The following ZNF469 variants were observed in gnomAD, a reference collection of about 807,000 sequenced individuals.
ZNF469 encodes the protein zinc finger protein 469.
In ZNF469, 1 loss-of-function variant was observed where a neutral mutation model predicts 1.0. That is an observed-to-expected ratio of 1.00 (90% confidence interval 0.35 to 4.73). ZNF469 has a LOEUF of 4.73. Among genes scored for constraint, ZNF469 ranks in the 30% most tolerant of loss-of-function variants. The pLI is 0.16. For synonymous variants in ZNF469, 2,703 were observed against 2,363.4 expected (o/e 1.14, Z -4.17); for missense variants, 6,100 against 5,356.3 (o/e 1.14, Z -4.33).
the ZNF469 span, among the ~76,000 whole-genome samples, chr16:88,333,063 T>G: frequency 6.6e-6 from 1 of 152,164 alleles, no homozygotes; most frequent in African/African-American, 2.4e-5. Flanking sequence ...CATTGGTGAT[T>G]TGGCGGTAAA....
At chr16:88,218,338 A>G in the ZNF469 span, among the ~76,000 whole-genome samples, 7 of 149,946 alleles carry the variant, frequency 4.7e-5, no homozygotes, top group Admixed American at 1.3e-4. Context: ...GATTCTGGAT[A>G]TTAGCCCTTT....
At chr16:88,229,667 T>TAA in the ZNF469 span, among the ~76,000 whole-genome samples, 27 of 144,354 alleles carry the variant, frequency 1.9e-4, no homozygotes, top group South Asian at 4.6e-3. Flanking sequence ...CGTGTGGATG[T>TAA]CGCGTGTGTG....
At position 88,435,599 on chromosome 16, in the gene ZNF469, A is replaced by T. The variant is rs1441429540; in HGVS notation, c.8129A>T (p.Asp2710Val). ...GTGATGGAGGGTGCAGCGGAGACTG[A>T]CCAGGAGGCTCTGTGTGCAGGGGAG... ...PGVMEGAAET[D>V]QEALCAGETG... is the part of the protein sequence containing the mutation. Residue 2710 changes from aspartate to valine, a missense_variant, in exon 3 of 3, where the codon GAC (aspartate) becomes GTC (valine). Coordinates refer to ENST00000565624, the MANE Select transcript of ZNF469 (RefSeq NM_001367624.2). 1.9e-6 allele frequency: 3 copies of T among 1,550,056 alleles called. No individual in the cohort carries two copies. The highest frequency in any genetic ancestry group is 2.6e-6 in the Non-Finnish European group (3 of 1,146,836).
the ZNF469 span, among the ~76,000 whole-genome samples, chr16:88,244,233 G>C: frequency 0.13 from 18,783 of 145,698 alleles, 1,478 homozygotes; most frequent in Middle Eastern, 0.27. Flanking sequence ...GGATGGGTGG[G>C]TGGGGGTTTG....
At chr16:88,208,777 GCGCACACA>G in the ZNF469 span, among the ~76,000 whole-genome samples, 26 of 129,950 alleles carry the variant, frequency 2.0e-4, no homozygotes, top group African/African-American at 5.8e-4. Flanking sequence ...GCGCGTGCGC[GCGCACACA>G]CACACACACA....
the ZNF469 span, among the ~76,000 whole-genome samples, chr16:88,310,693 C>T: frequency 2.6e-3 from 397 of 152,270 alleles, 2 homozygotes; most frequent in African/African-American, 8.0e-3. Context: ...AGCGATTCTC[C>T]TGCCTCAACC....
the ZNF469 span, among the ~76,000 whole-genome samples, chr16:88,326,431 A>G: frequency 7.0e-3 from 1,071 of 152,302 alleles, 13 homozygotes; most frequent in African/African-American, 0.025. Context: ...AATCTCAGGT[A>G]TGTCTTTATC....
the ZNF469 span, among the ~76,000 whole-genome samples, chr16:88,259,828 C>T: frequency 6.6e-6 from 1 of 152,204 alleles, no homozygotes; most frequent in Non-Finnish European, 1.5e-5. This position sits in a 1 kb window ranked among gnomAD's most constrained non-coding sequence, Gnocchi z 4.1. Context: ...GCAGGCTCCG[C>T]CGAAGACCCT....
intron 1 of ZNF469, among the ~76,000 whole-genome samples, chr16:88,389,351 C>T (rs1473229493): frequency 6.6e-6 from 1 of 152,264 alleles, no homozygotes; most frequent in African/African-American, 2.4e-5. Context: ...TTCGTCTTTG[C>T]GGCTGAGCGC....
chr16:88,197,304 A>G, the ZNF469 span, among the ~76,000 whole-genome samples: 3 of 152,190 alleles, frequency 2.0e-5, no homozygotes, highest in African/African-American at 7.2e-5. Flanking sequence ...GCCTCTTTGT[A>G]CAGACACAGA....
the ZNF469 span, among the ~76,000 whole-genome samples, chr16:88,103,080 G>A: frequency 6.6e-6 from 1 of 152,252 alleles, no homozygotes; most frequent in African/African-American, 2.4e-5. Flanking sequence ...GTCATCAGTC[G>A]CTAAAGCTGT....
chr16:88,254,077 A>G, the ZNF469 span, among the ~76,000 whole-genome samples: 1 of 152,248 alleles, frequency 6.6e-6, no homozygotes, highest in South Asian at 2.1e-4. Flanking sequence ...TGTCTGATAA[A>G]TACTTGCCTA....
chr16:88,184,544 C>G, the ZNF469 span, among the ~76,000 whole-genome samples: 3 of 152,100 alleles, frequency 2.0e-5, no homozygotes, highest in African/African-American at 4.8e-5. Context: ...CAGCCTGTGC[C>G]TCCCGCCGGC....
chr16:88,104,998 T>C, the ZNF469 span, among the ~76,000 whole-genome samples: 672 of 152,286 alleles, frequency 4.4e-3, 3 homozygotes, highest in African/African-American at 0.015. Context: ...GGAGGATCAC[T>C]TGAGTCCAGG....
the ZNF469 span, among the ~76,000 whole-genome samples, chr16:88,216,507 A>AG: frequency 6.6e-6 from 1 of 151,976 alleles, no homozygotes; most frequent in Non-Finnish European, 1.5e-5. Flanking sequence ...AAAAAAAAAA[A>AG]AAGATATTAT....
chr16:88,358,254 G>A, the ZNF469 span, among the ~76,000 whole-genome samples: 5 of 152,252 alleles, frequency 3.3e-5, no homozygotes, highest in Non-Finnish European at 4.4e-5. Flanking sequence ...CCAGGGGCTC[G>A]GACCTCAGAC....
Position 88,432,027 on chromosome 16 carries a change from G to C in ZNF469, c.4557G>C (p.Ser1519=), listed in dbSNP as rs750183688. 5.2e-6 allele frequency: 8 copies of C among 1,550,100 alleles called. No homozygotes were observed. The highest frequency in any genetic ancestry group is 2.7e-5 in the African/African-American group (2 of 73,000). The change falls in exon 3 of 3, where the codon TCG becomes TCC. Residue 1519 remains serine (S), a synonymous_variant. Transcript: ENST00000565624. ...PMLPSHFPDL[S]GGKVLSKTCP... ...TGCCTAGCCATTTTCCTGATCTCTCGGGGGGAAAGGTGCTCAGTAAGACGT... is the reference window on the plus strand; with the variant it reads ...TGCCTAGCCATTTTCCTGATCTCTCCGGGGGAAAGGTGCTCAGTAAGACGT...
the ZNF469 span, among the ~76,000 whole-genome samples, chr16:88,113,102 G>A: frequency 1.3e-5 from 2 of 152,132 alleles, no homozygotes; most frequent in Non-Finnish European, 2.9e-5. Context: ...TTTTTAGCTC[G>A]AGGTGGCCCC....
chr16:88,390,925 T>C (rs1289290277), intron 1 of ZNF469, among the ~76,000 whole-genome samples: 1 of 152,198 alleles, frequency 6.6e-6, no homozygotes, highest in African/African-American at 2.4e-5. Flanking sequence ...AACTGAAACC[T>C]CTGGCAGCTC....
Sources: gnomAD v4.1 joint callset for allele counts (sites outside exome capture counted in the v4.1 genomes callset) on GRCh38, gnomAD v4.1.1 for gene constraint, Gnocchi (gnomAD v3.1) non-coding constraint, MANE v1.5 for transcripts, NCBI Gene and HGNC (gene_info 2026-07-23, HGNC 2026-07-21) for gene names.